Variants in F13A1 observed in about 807,000 individuals in gnomAD.
F13A1 encodes coagulation factor XIII A chain.
Under a neutral mutation model 80.1 loss-of-function variants are expected in F13A1, and 47 were observed. The ratio of observed to expected loss-of-function variants is 0.59; its 90% CI spans 0.46 to 0.75. The LOEUF is 0.75. Ranked by LOEUF, F13A1 falls within the 30% of genes least tolerant of loss-of-function variation. The pLI is 0.00. For missense variants in F13A1, 817 were observed against 930.4 expected (o/e 0.88, Z 1.59); for synonymous variants, 349 against 344.9 (o/e 1.01, Z -0.13).
intron 8 of F13A1, among the ~76,000 whole-genome samples, chr6:6,205,868 C>T (rs1448411417): frequency 1.3e-5 from 2 of 152,132 alleles, no homozygotes; most frequent in Non-Finnish European, 2.9e-5. Flanking sequence ...CCCCATCACA[C>T]AGACCACGTT....
At chr6:6,238,212 AATGACAGTCT>A (rs1266799155) in intron 6 of F13A1, among the ~76,000 whole-genome samples, 42 of 152,318 alleles carry the variant, frequency 2.8e-4, no homozygotes, top group African/African-American at 9.9e-4. Context: ...CAATGAAGAA[AATGACAGTCT>A]TTTCAACAAA....
chr6:6,233,310 CTA>C (rs1757376079), intron 6 of F13A1, among the ~76,000 whole-genome samples: 1 of 152,094 alleles, frequency 6.6e-6, no homozygotes, highest in South Asian at 2.1e-4. Flanking sequence ...TTCAAGGCTA[CTA>C]TGAACACCTT....
At chr6:6,293,048 T>G (rs1758245555) in intron 3 of F13A1, among the ~76,000 whole-genome samples, 1 of 152,214 alleles carries the variant, frequency 6.6e-6, no homozygotes, top group Non-Finnish European at 1.5e-5. Context: ...ATCTTTCTGC[T>G]GTAACCAGAA....
intron 10 of F13A1, among the ~76,000 whole-genome samples, chr6:6,182,384 C>T (rs1468949549): frequency 2.0e-5 from 3 of 152,114 alleles, no homozygotes; most frequent in Non-Finnish European, 4.4e-5. Context: ...GTCTAAGAAG[C>T]AACCATTTTT....
rs764016912 is a variant in F13A1, at chr6:6,250,891, C to T, written c.610G>A (p.Glu204Lys). 3.7e-6 allele frequency: 6 copies of T among 1,613,230 alleles called. No individual in the cohort carries two copies. In the Admixed American group the frequency reaches 8.3e-5, roughly 22 times the overall value. The change falls in exon 5 of 15, where the codon GAG becomes AAG. Residue 204 changes from glutamate to lysine, a missense_variant. By Grantham distance (56) the Glu-to-Lys change is moderately conservative. Transcript: ENST00000264870. This position sits in a 1 kb window ranked among gnomAD's most constrained non-coding sequence, Gnocchi z 4.2. ...ACCCCGATGTCATTCAGGACATACT[C>T]TTCTCTTTCTTTCTCATTGTCCAGA... ...VYLDNEKEREEYVLNDIGVIF... is the reference protein window; with the variant it reads ...VYLDNEKEREKYVLNDIGVIF...
In F13A1 at chr6:6,174,740, C is replaced by T. The variant is rs781621515; in HGVS notation, c.1587G>A (p.Val529=). 3 of 1,614,182 alleles carry T rather than the reference C, an allele frequency of 1.9e-6. No individual in the cohort carries two copies. The highest frequency in any genetic ancestry group is 1.1e-5 in the South Asian group (1 of 91,086). Residue 529 remains valine, a synonymous_variant, in exon 12 of 15, where the codon GTG becomes GTA. Coordinates refer to ENST00000264870, the MANE Select transcript of F13A1 (RefSeq NM_000129.4). ...VDMDFEVENA[V]LGKDFKLSIT... is the part of the protein sequence containing the mutation. ...TGGAGAGCTTGAAGTCTTTTCCCAG[C>T]ACAGCATTTTCCACTTCAAAGTCCA...
intron 8 of F13A1, among the ~76,000 whole-genome samples, chr6:6,217,383 A>G (rs1220052320): frequency 6.6e-6 from 1 of 151,968 alleles, no homozygotes; most frequent in Non-Finnish European, 1.5e-5. Context: ...TTGTAGGGAC[A>G]TGGATGAAAT....
chr6:6,206,518 T>A, intron 8 of F13A1: 1 of 479,876 alleles, frequency 2.1e-6, no homozygotes, highest in Non-Finnish European at 4.3e-6. Context: ...AAACTCCCCT[T>A]GGTTTACTCT....
At chr6:6,284,747 C>G (rs1320355833) in intron 3 of F13A1, among the ~76,000 whole-genome samples, 1 of 152,190 alleles carries the variant, frequency 6.6e-6, no homozygotes, top group Admixed American at 6.5e-5. Flanking sequence ...ACCAAGAATG[C>G]CGTCCTCCTT....
intron 2 of F13A1, among the ~76,000 whole-genome samples, chr6:6,312,032 T>TATATATAAAGTTAC (rs1758610042): frequency 4.0e-5 from 6 of 148,182 alleles, no homozygotes; most frequent in African/African-American, 1.5e-4. Context: ...AAACTTTTTA[T>TATATATAAAGTTAC]ATATATATAA....
At chr6:6,221,294 C>T (rs1757189278) in intron 8 of F13A1, among the ~76,000 whole-genome samples, 1 of 152,138 alleles carries the variant, frequency 6.6e-6, no homozygotes, top group African/African-American at 2.4e-5. Flanking sequence ...TCCCTCTAGC[C>T]AGCTTGTAAC....
At chr6:6,201,284 A>G (rs774367561) in intron 8 of F13A1, among the ~76,000 whole-genome samples, 5 of 152,324 alleles carry the variant, frequency 3.3e-5, no homozygotes, top group Middle Eastern at 6.8e-3. Flanking sequence ...TCACTCTGAC[A>G]TCTAATTAGT....
chr6:6,167,685 C>T (rs1760702966), intron 12 of F13A1, 67 bp from the exon 13 acceptor site: 2 of 1,570,622 alleles, frequency 1.3e-6, no homozygotes, highest in Non-Finnish European at 1.7e-6. Context: ...TACTTTTCTC[C>T]AAGTTTCCCT....
chr6:6,183,006 C>G (rs925690313), intron 10 of F13A1, among the ~76,000 whole-genome samples: 6 of 152,164 alleles, frequency 3.9e-5, no homozygotes, highest in Admixed American at 2.0e-4. Context: ...TGTCTGCCCC[C>G]AAGCTCTCCC....
chr6:6,153,814 A>C (rs1366691287), intron 13 of F13A1, among the ~76,000 whole-genome samples: 2 of 152,180 alleles, frequency 1.3e-5, no homozygotes, highest in African/African-American at 4.8e-5. Flanking sequence ...ATATATTCTC[A>C]CATAAGCCTC....
chr6:6,165,770 G>A (rs1377727906), intron 13 of F13A1, among the ~76,000 whole-genome samples: 4 of 152,228 alleles, frequency 2.6e-5, no homozygotes, highest in African/African-American at 4.8e-5. Context: ...TGGTACCTCT[G>A]CAGCAACCCT....
chr6:6,199,755 A>T (rs1761359020), intron 8 of F13A1, among the ~76,000 whole-genome samples: 2 of 152,324 alleles, frequency 1.3e-5, no homozygotes, highest in South Asian at 4.1e-4. Flanking sequence ...TAAATTTGCA[A>T]ATCTCTGTTC....
At chr6:6,217,927 AT>A (rs1052612592) in intron 8 of F13A1, among the ~76,000 whole-genome samples, 1 of 152,118 alleles carries the variant, frequency 6.6e-6, no homozygotes, top group Admixed American at 6.5e-5. Flanking sequence ...TGCATTAAAA[AT>A]TTTTTCCAAG....
chr6:6,179,136 T>C (rs1760934733), intron 11 of F13A1, among the ~76,000 whole-genome samples: 1 of 151,718 alleles, frequency 6.6e-6, no homozygotes. Flanking sequence ...AAGGAGAAAA[T>C]AGAGAGGGAG....
Sources: gnomAD v4.1 joint callset for allele counts (sites outside exome capture counted in the v4.1 genomes callset) on GRCh38, gnomAD v4.1.1 for gene constraint, Gnocchi (gnomAD v3.1) non-coding constraint, MANE v1.5 for transcripts, NCBI Gene and HGNC (gene_info 2026-07-23, HGNC 2026-07-21) for gene names.